The following PACS2 variants were observed in gnomAD, a reference collection of about 807,000 sequenced individuals.
The protein encoded by PACS2 is PACS1-like protein.
Under a neutral mutation model 113.0 loss-of-function variants are expected in PACS2, and 36 were observed. The observed-to-expected ratio is 0.32, with a 90% CI of 0.24 to 0.42. The LOEUF is 0.42. Among genes scored for constraint, PACS2 ranks in the 10% least tolerant of loss-of-function variants. The probability of loss-of-function intolerance (pLI) is 1.00; values close to 1 mark genes in which losing one functional copy is unlikely to be tolerated. For missense variants in PACS2, 1,015 were observed against 1,239.5 expected (o/e 0.82, Z 2.72); for synonymous variants, 589 against 536.1 (o/e 1.10, Z -1.36).
chr14:105,381,189 G>T, intron 12 of PACS2, 90 bp downstream of exon 12: 1 of 1,187,078 alleles, frequency 8.4e-7, no homozygotes. Flanking sequence ...GTGCGTGTCA[G>T]TCCATCCTGA....
chr14:105,358,972 A>G lies in PACS2; in HGVS notation c.423+3795A>G, dbSNP rs2060564496. Among the ~76,000 whole-genome samples, 1 of 152,202 alleles carries G rather than the reference A, an allele frequency of 6.6e-6. No homozygotes were observed. Among genetic ancestry groups the G allele is most frequent in the African/African-American group, 2.4e-5 (1 of 41,444 alleles). On this transcript the variant is annotated intron_variant, in intron 4 of 24. Coordinates refer to ENST00000447393, the MANE Select transcript of PACS2 (RefSeq NM_001100913.3). This position sits in a 1 kb window ranked among gnomAD's most constrained non-coding sequence, Gnocchi z 4.9. ...CCGTGAGAATATGATGGCACTGGAC[A>G]CTTCCTATCTCCTGATGACATGGTA...
At chr14:105,385,637 A>G (rs1555413431) in intron 18 of PACS2, 48 bp from the exon 19 acceptor site, 8 of 1,426,952 alleles carry the variant, frequency 5.6e-6, no homozygotes. Flanking sequence ...AGGGGTCCTG[A>G]GGGCGTCGTA....
chr14:105,304,320 C>G (rs777239767), intron 1 of PACS2, among the ~76,000 whole-genome samples: 16 of 152,064 alleles, frequency 1.1e-4, no homozygotes, highest in Non-Finnish European at 1.5e-4. Flanking sequence ...TGAAACCCAT[C>G]TTTCCAAAAA....
intron 4 of PACS2, among the ~76,000 whole-genome samples, chr14:105,364,797 A>G (rs1207262015): frequency 6.6e-6 from 1 of 150,560 alleles, no homozygotes; most frequent in Non-Finnish European, 1.5e-5. Flanking sequence ...CCTGGGCCCA[A>G]GCAGTCCTCC....
intron 1 of PACS2, among the ~76,000 whole-genome samples, chr14:105,334,780 C>T (rs1315299292): frequency 6.6e-6 from 1 of 152,268 alleles, no homozygotes; most frequent in Non-Finnish European, 1.5e-5. Context: ...AGTCACTGAG[C>T]ACAGACCCAG....
At chr14:105,339,616 A>G (rs183192598) in intron 1 of PACS2, among the ~76,000 whole-genome samples, 54 of 151,574 alleles carry the variant, frequency 3.6e-4, no homozygotes, top group Non-Finnish European at 6.6e-4. Flanking sequence ...GGATCTCCTG[A>G]GCACAGGGGT....
chr14:105,359,977 C>G (rs1160929316), intron 4 of PACS2, among the ~76,000 whole-genome samples: 1 of 152,220 alleles, frequency 6.6e-6, no homozygotes, highest in Non-Finnish European at 1.5e-5. Context: ...TACTTACCAT[C>G]TGTAACAATT....
At chr14:105,314,616 A>T (rs2058471850), upstream of PACS2, 5 of 142,084 alleles carry the variant, frequency 3.5e-5, no homozygotes, top group South Asian at 1.1e-3. Flanking sequence ...ATTGGACCCG[A>T]GGCGGCGAGC....
chr14:105,329,842 G>A lies in PACS2; in HGVS notation c.119+14805G>A, dbSNP rs886369800. On this transcript the variant is annotated intron_variant, in intron 1 of 24. Coordinates refer to ENST00000447393, the MANE Select transcript of PACS2 (RefSeq NM_001100913.3). This position sits in a 1 kb window ranked among gnomAD's most constrained non-coding sequence, Gnocchi z 6.4. ...TCCAGGAGGGTGAGGTCTCTGCAGC[G>A]GGAGCATCCAGGCCTGGAACTCGAG... Among the ~76,000 whole-genome samples, 3 of 152,214 alleles carry A rather than the reference G, an allele frequency of 2.0e-5. No individual in the cohort carries two copies. The highest frequency in any genetic ancestry group is 7.2e-5 in the African/African-American group (3 of 41,448).
Position 105,380,982 on chromosome 14 carries a change from C to G in PACS2, c.1151C>G (p.Pro384Arg), listed in dbSNP as rs1555411853. The change falls in exon 12 of 25, where the codon CCT becomes CGT. Residue 384 changes from proline (P) to arginine (R), a missense_variant. Physicochemically the swap from Pro to Arg is moderately radical, Grantham distance 103 (BLOSUM62 -2). Coordinates refer to ENST00000447393, the MANE Select transcript of PACS2 (RefSeq NM_001100913.3). Reference sequence around the variant, plus strand: ...GGTGTGCCAGGCCCGAGGGAGCACCCTGGACAGCCTGAGGACAGCCCCGAG... The same window carrying G: ...GGTGTGCCAGGCCCGAGGGAGCACCGTGGACAGCCTGAGGACAGCCCCGAG... ...ALGVPGPREH[P>R]GQPEDSPEAE... is the part of the protein sequence containing the mutation. 1 of 1,612,264 alleles carries G rather than the reference C, an allele frequency of 6.2e-7. No homozygotes were observed. Among genetic ancestry groups the G allele is most frequent in the East Asian group, 2.2e-5 (1 of 44,866 alleles).
At chr14:105,392,410 C>G (rs2081391373) in intron 22 of PACS2, 1 of 586,216 alleles carries the variant, frequency 1.7e-6, no homozygotes, top group Admixed American at 3.0e-5. Context: ...CTCCTGTCGC[C>G]AGGGTCCCTG....
rs914267696 is a variant in PACS2 at position 105,329,746 on chromosome 14, C to T, written c.119+14709C>T. On this transcript the variant is annotated intron_variant, in intron 1 of 24. Transcript: ENST00000447393. The surrounding 1 kb of genome is among the most constrained non-coding windows in gnomAD (Gnocchi z 6.4). ...TTGCAGGGCTCTAGTGTATCAGCTCCCGGACTGCAGGCAGCAGCAAACTCT... is the reference window on the plus strand; with the variant it reads ...TTGCAGGGCTCTAGTGTATCAGCTCTCGGACTGCAGGCAGCAGCAAACTCT... Among the ~76,000 whole-genome samples, 1 of 152,142 alleles carries T rather than the reference C, an allele frequency of 6.6e-6. No homozygotes were observed. Among genetic ancestry groups the T allele is most frequent in the African/African-American group, 2.4e-5 (1 of 41,412 alleles).
Position 105,397,331 on chromosome 14 carries a change from G to C in PACS2, c.*2659G>C, listed in dbSNP as rs868976611. On this transcript the variant is annotated 3_prime_UTR_variant, in exon 25 of 25. Transcript: ENST00000447393. Reference sequence around the variant, plus strand: ...AGAAACCAAAGCCATCTGACAGCCAGTGCGGTAAGGGCGGGGGATGTGTGT... The same window carrying C: ...AGAAACCAAAGCCATCTGACAGCCACTGCGGTAAGGGCGGGGGATGTGTGT... The C allele has an allele frequency of 5.9e-5, 9 of 152,512 alleles. No homozygotes were observed. The highest frequency in any genetic ancestry group is 2.2e-4 in the African/African-American group (9 of 41,468). The allele number at this position is 152,512 out of a possible 1,614,324, so 9.4% of individuals were successfully genotyped here.
intron 1 of PACS2, among the ~76,000 whole-genome samples, chr14:105,321,134 G>A (rs962547708): frequency 1.3e-5 from 2 of 151,692 alleles, no homozygotes; most frequent in African/African-American, 2.4e-5. Flanking sequence ...ATTTTTTTTT[G>A]AACCTGCTTT....
intron 8 of PACS2, chr14:105,372,305 C>T (rs2061185302): frequency 6.6e-6 from 1 of 152,218 alleles, no homozygotes; most frequent in African/African-American, 2.4e-5. Flanking sequence ...GGTGGCACAC[C>T]TGGATAGTCA....
At chr14:105,343,699 CTT>C (rs200290671) in intron 1 of PACS2, among the ~76,000 whole-genome samples, 13 of 142,180 alleles carry the variant, frequency 9.1e-5, no homozygotes, top group East Asian at 2.0e-4. Context: ...ATTTTGCTCA[CTT>C]TTTTTTTTTT....
chr14:105,394,933 G>A lies in PACS2; in HGVS notation c.*261G>A, dbSNP rs745730548. 138 of 427,950 alleles carry A rather than the reference G, an allele frequency of 3.2e-4. 1 individual carries two copies. Among genetic ancestry groups the A allele is most frequent in the Admixed American group, 5.9e-4 (16 of 27,274 alleles). The allele number at this position is 427,950 out of a possible 1,614,324, so 26.5% of individuals were successfully genotyped here. ...TGCTGAGCCATGGATCGCGGAAGGC[G>A]TCCTCTGGCCTCAGGAGCCACCCAG... On this transcript the variant is annotated 3_prime_UTR_variant, in exon 25 of 25. Transcript: ENST00000447393.
At chr14:105,325,526 T>C (rs1305232071) in intron 1 of PACS2, among the ~76,000 whole-genome samples, 2 of 152,226 alleles carry the variant, frequency 1.3e-5, no homozygotes, top group African/African-American at 4.8e-5. Context: ...ATCCAGCCCG[T>C]GTCCTAAGAG....
chr14:105,326,445 C>T (rs1009342565), intron 1 of PACS2, among the ~76,000 whole-genome samples: 6 of 152,258 alleles, frequency 3.9e-5, no homozygotes, highest in South Asian at 2.1e-4. Flanking sequence ...GGCAGTCCCT[C>T]GGGGCCAGGC....
Sources: allele counts gnomAD v4.1 joint callset (sites outside exome capture counted in the v4.1 genomes callset), GRCh38; gene constraint gnomAD v4.1.1; non-coding constraint Gnocchi (gnomAD v3.1); transcripts MANE v1.5; gene names NCBI Gene and HGNC (gene_info 2026-07-23, HGNC 2026-07-21).